Variants in ATAD1 observed in about 807,000 individuals in gnomAD.
ATAD1 encodes the protein outer mitochondrial transmembrane helix translocase.
ATAD1 carries 18 observed loss-of-function variants against 42.7 expected under a neutral mutation model. The ratio of observed to expected loss-of-function variants is 0.42; its 90% CI spans 0.29 to 0.63. ATAD1 has a LOEUF of 0.63. Ranked by LOEUF, ATAD1 falls within the 20% of genes least tolerant of loss-of-function variation. The probability of loss-of-function intolerance (pLI) is 0.19; values close to 1 mark genes in which losing one functional copy is unlikely to be tolerated. For missense variants in ATAD1, 294 were observed against 440.4 expected, an observed-to-expected ratio of 0.67 and a Z score of 2.98; for synonymous variants, 132 against 143.1, an observed-to-expected ratio of 0.92 and a Z score of 0.55.
chr10:87,781,054 A>G (rs1366971183), intron 5 of ATAD1, among the ~76,000 whole-genome samples: 1 of 152,202 alleles, frequency 6.6e-6, no homozygotes, highest in Admixed American at 6.5e-5. Flanking sequence ...TTGAACGATC[A>G]GACCCCTGAA....
At position 87,814,771 on chromosome 10, in the gene ATAD1, T is replaced by C; in HGVS notation, c.-13-159A>G. 4.2e-6 allele frequency: 2 copies of C among 472,352 alleles called. 1 individual carries two copies. Among genetic ancestry groups the C allele is most frequent in the South Asian group, 1.6e-4 (2 of 12,534 alleles). 29.3% of individuals were successfully genotyped at this position (472,352 alleles called of 1,614,324 possible). ...GTGTTTCATTTTAAGGAGAAATGGA[T>C]TTTTAAATGTTAAGTAAACAAATAC... On this transcript the variant is annotated intron_variant, in intron 1 of 9. Transcript: ENST00000680024.
At chr10:87,760,818 G>T (rs1334926319) in intron 8 of ATAD1, among the ~76,000 whole-genome samples, 1 of 152,170 alleles carries the variant, frequency 6.6e-6, no homozygotes, top group Non-Finnish European at 1.5e-5. Context: ...AGGTCAGTTT[G>T]TATAGGGAAA....
At chr10:87,783,694 T>C (rs1271667312) in intron 5 of ATAD1, among the ~76,000 whole-genome samples, 1 of 151,634 alleles carries the variant, frequency 6.6e-6, no homozygotes, top group East Asian at 1.9e-4. Flanking sequence ...AACAAAAATA[T>C]TGATCCATAA....
At chr10:87,782,298 CAGGA>C (rs1855604034) in intron 5 of ATAD1, among the ~76,000 whole-genome samples, 1 of 152,162 alleles carries the variant, frequency 6.6e-6, no homozygotes, top group Admixed American at 6.6e-5. Context: ...TGTTCACACA[CAGGA>C]AGAATCTACT....
At chr10:87,770,700 A>G (rs1854989014) in intron 7 of ATAD1, among the ~76,000 whole-genome samples, 1 of 152,214 alleles carries the variant, frequency 6.6e-6, no homozygotes, top group Non-Finnish European at 1.5e-5. Flanking sequence ...ATCCTAAAGT[A>G]AATCACTAAA....
chr10:87,805,445 C>T (rs1329401168), intron 2 of ATAD1, among the ~76,000 whole-genome samples: 1 of 152,136 alleles, frequency 6.6e-6, no homozygotes, highest in Non-Finnish European at 1.5e-5. Flanking sequence ...CTGAGTAATG[C>T]TTGAGAATAG....
At chr10:87,761,950 G>T (rs1479429547) in intron 8 of ATAD1, among the ~76,000 whole-genome samples, 1 of 151,828 alleles carries the variant, frequency 6.6e-6, no homozygotes, top group Admixed American at 6.6e-5. Context: ...TCATCATGTT[G>T]CCCGGACCTG....
At chr10:87,819,261 T>TGCAA (rs1857570031), upstream of ATAD1, 1 of 12,932 alleles carries the variant, frequency 7.7e-5, no homozygotes, top group Admixed American at 1.1e-3. Flanking sequence ...AAATCGTCTC[T>TGCAA]ACAAAAAAAA....
At chr10:87,770,435 C>T (rs1854976652) in intron 7 of ATAD1, among the ~76,000 whole-genome samples, 1 of 152,128 alleles carries the variant, frequency 6.6e-6, no homozygotes, top group African/African-American at 2.4e-5. Flanking sequence ...AGAAAGAAGG[C>T]AGAACTGGTT....
intron 1 of ATAD1, among the ~76,000 whole-genome samples, chr10:87,828,242 C>T (rs1303607501): frequency 1.3e-5 from 2 of 152,102 alleles, no homozygotes; most frequent in Non-Finnish European, 2.9e-5. Context: ...GAATTACACG[C>T]ATCAGCAACT....
intron 2 of ATAD1, among the ~76,000 whole-genome samples, chr10:87,810,666 G>C (rs1187847875): frequency 6.6e-6 from 1 of 151,844 alleles, no homozygotes; most frequent in Non-Finnish European, 1.5e-5. Flanking sequence ...ATATTTGTGT[G>C]GTATATACAT....
At chr10:87,825,444 A>G (rs897347018) in intron 1 of ATAD1, among the ~76,000 whole-genome samples, 3 of 151,250 alleles carry the variant, frequency 2.0e-5, no homozygotes, top group African/African-American at 4.9e-5. Context: ...CGAGTAGCTG[A>G]GACTACAGGC....
chr10:87,781,800 A>G (rs1855573205), intron 5 of ATAD1, among the ~76,000 whole-genome samples: 1 of 151,840 alleles, frequency 6.6e-6, no homozygotes, highest in African/African-American at 2.4e-5. Context: ...GCGTTACCAC[A>G]CCCGGCTAAT....
chr10:87,813,624 A>G (rs1857283178), intron 2 of ATAD1, among the ~76,000 whole-genome samples: 1 of 152,096 alleles, frequency 6.6e-6, no homozygotes, highest in Non-Finnish European at 1.5e-5. Flanking sequence ...TGAAAGAACA[A>G]GATTTATTCA....
At chr10:87,824,522 G>A (rs1380082699) in intron 1 of ATAD1, among the ~76,000 whole-genome samples, 1 of 152,182 alleles carries the variant, frequency 6.6e-6, no homozygotes, top group East Asian at 1.9e-4. Flanking sequence ...CCATGGACTT[G>A]CACTAAGAAT....
intron 6 of ATAD1, among the ~76,000 whole-genome samples, chr10:87,774,787 C>CA (rs1041237218): frequency 1.4e-3 from 210 of 151,696 alleles, no homozygotes; most frequent in African/African-American, 4.7e-3. Context: ...TCTGTCTCTA[C>CA]AAAAAAAACA....
At chr10:87,783,223 T>C (rs949162992) in intron 5 of ATAD1, among the ~76,000 whole-genome samples, 1 of 151,622 alleles carries the variant, frequency 6.6e-6, no homozygotes, top group African/African-American at 2.4e-5. Context: ...CTACAAAAAT[T>C]AGTGGTGTGT....
At chr10:87,828,246 A>G (rs2132105568) in intron 1 of ATAD1, among the ~76,000 whole-genome samples, 1 of 152,308 alleles carries the variant, frequency 6.6e-6, no homozygotes, top group Admixed American at 6.5e-5. Flanking sequence ...TACACGCATC[A>G]GCAACTGTGT....
intron 1 of ATAD1, chr10:87,817,829 C>T: frequency 1.0e-6 from 1 of 985,490 alleles, no homozygotes; most frequent in Non-Finnish European, 1.2e-6. Flanking sequence ...CTAGGTTCGC[C>T]TGGTTCTGAA....
Sources: allele counts gnomAD v4.1 joint callset (sites outside exome capture counted in the v4.1 genomes callset), GRCh38; gene constraint gnomAD v4.1.1; transcripts MANE v1.5; gene names NCBI Gene and HGNC (gene_info 2026-07-23, HGNC 2026-07-21).